The following IFT20 variants were observed in gnomAD, a reference collection of about 807,000 sequenced individuals.
The protein encoded by IFT20 is intraflagellar transport 20, also known as intraflagellar transport protein 20 homolog.
In IFT20, 4 loss-of-function variants were observed where a neutral mutation model predicts 16.9. The ratio of observed to expected loss-of-function variants is 0.24; its 90% CI spans 0.12 to 0.54. The LOEUF (loss-of-function observed/expected upper bound fraction) is 0.54, where lower values mean the gene tolerates loss of function less well. Among genes scored for constraint, IFT20 ranks in the 20% least tolerant of loss-of-function variants. The probability of loss-of-function intolerance (pLI) is 0.95; values close to 1 mark genes in which losing one functional copy is unlikely to be tolerated. For missense variants in IFT20, 154 were observed against 149.7 expected (o/e 1.03, Z -0.15); for synonymous variants, 48 against 49.9 (o/e 0.96, Z 0.16).
In IFT20 at chr17:28,329,155, T is replaced by C. The variant is rs1906552060; in HGVS notation, c.317+18A>G. 1 of 1,573,848 alleles carries C rather than the reference T, an allele frequency of 6.4e-7. No individual in the cohort carries two copies. The highest frequency in any genetic ancestry group is 1.1e-5 in the South Asian group (1 of 89,982). ...ATTCAGCTGTGTAAAGAACTTGCTT[T>C]ACATCATGACTTCTTACCTTTCTAG... On this transcript the variant is annotated intron_variant, in intron 4 of 4. Coordinates refer to ENST00000395418, the MANE Select transcript of IFT20 (RefSeq NM_001267776.2).
In IFT20 at chr17:28,329,778, A is replaced by G. The variant is rs1228122124; in HGVS notation, c.214-502T>C. On this transcript the variant is annotated intron_variant, in intron 3 of 4. Transcript: ENST00000395418. ...CCATCTTTACTAAAAATACAAAAAAATGGCCGGGCGCAGTCACTCACGCCT... is the reference window on the plus strand; with the variant it reads ...CCATCTTTACTAAAAATACAAAAAAGTGGCCGGGCGCAGTCACTCACGCCT... The G allele has an allele frequency of 1.8e-5, 3 of 168,538 alleles. No individual in the cohort carries two copies. In the Admixed American group the frequency reaches 1.9e-4, roughly 11 times the overall value. 10.4% of individuals were successfully genotyped at this position (168,538 alleles called of 1,614,324 possible).
intron 3 of IFT20, chr17:28,330,230 T>C (rs1555576294): frequency 3.7e-6 from 2 of 547,772 alleles, no homozygotes; most frequent in Non-Finnish European, 6.2e-6. Context: ...AGCAAGACTC[T>C]GTCTCAAAAA....
At chr17:28,329,297 G>C (rs1447247672) in intron 3 of IFT20, 21 bp from the exon 4 acceptor site, 2 of 1,590,492 alleles carry the variant, frequency 1.3e-6, no homozygotes, top group African/African-American at 1.3e-5. Context: ...GCCAGAGAAG[G>C]CCATGGCTTC....
intron 1 of IFT20, among the ~76,000 whole-genome samples, chr17:28,333,072 A>AACACACACACACAC (rs56753724): frequency 0.021 from 3,052 of 144,530 alleles, 51 homozygotes; most frequent in Middle Eastern, 0.048. Context: ...TCTGGCTCAA[A>AACACACACACACAC]ACACACACAC....
intron 2 of IFT20, 141 bp downstream of exon 2, chr17:28,331,718 G>T: frequency 1.0e-6 from 1 of 989,210 alleles, no homozygotes; most frequent in Non-Finnish European, 1.6e-6. Flanking sequence ...GACAGAAAAG[G>T]GTGGCACGTG....
Position 28,333,072 on chromosome 17 carries a change from AACACACACACACACACACACACAC to A in IFT20, c.-2-1109_-2-1086del, listed in dbSNP as rs56753724. ...AAAACTCACTCTTGTTCTGGCTCAA[AACACACACACACACACACACACAC>A]ACACACACACAATTAAACATAGACA... On this transcript the variant is annotated intron_variant, in intron 1 of 4. Transcript: ENST00000395418. Among the ~76,000 whole-genome samples, 317 of 144,580 alleles carry A rather than the reference AACACACACACACACACACACACAC, an allele frequency of 2.2e-3. 4 individuals are homozygous for A. The highest frequency in any genetic ancestry group is 7.7e-3 in the African/African-American group (300 of 38,814). 94.9% of individuals were successfully genotyped at this position (144,580 alleles called of 152,430 possible). A position where few individuals can be genotyped will look rare whatever the true frequency, so the allele number is the denominator to read the frequency against.
intron 3 of IFT20, 180 bp downstream of exon 3, chr17:28,330,258 TTAAAG>T (rs1906675099): frequency 1.6e-6 from 1 of 619,232 alleles, no homozygotes; most frequent in Non-Finnish European, 2.9e-6. Flanking sequence ...AAAATAAAGA[TTAAAG>T]GAAATAAAGA....
chr17:28,329,138 G>A, intron 4 of IFT20, 35 bp downstream of exon 4: 1 of 1,389,772 alleles, frequency 7.2e-7, no homozygotes, highest in African/African-American at 1.4e-5. Flanking sequence ...AAATTCAGCT[G>A]TGTAAAGAAC....
Position 28,331,767 on chromosome 17 carries a change from G to T in IFT20, c.127+92C>A, listed in dbSNP as rs1020564210. On this transcript the variant is annotated intron_variant, in intron 2 of 4. Coordinates refer to ENST00000395418, the MANE Select transcript of IFT20 (RefSeq NM_001267776.2). Reference sequence around the variant, plus strand: ...GCCAGATTCAACCTCCAGGGAGCCAGCAGCTCCACTGTGGCAGGGCCAAGA... The same window carrying T: ...GCCAGATTCAACCTCCAGGGAGCCATCAGCTCCACTGTGGCAGGGCCAAGA... 221 of 1,514,822 alleles carry T rather than the reference G, an allele frequency of 1.5e-4. No individual in the cohort carries two copies. The African/African-American group carries it at 2.8e-3, about 19-fold the overall frequency. The allele number at this position is 1,514,822 out of a possible 1,614,324, so 93.8% of individuals were successfully genotyped here.
rs571628231 is a variant in IFT20, at chr17:28,331,752, A to G, written c.127+107T>C. On this transcript the variant is annotated intron_variant, in intron 2 of 4. Coordinates refer to ENST00000395418, the MANE Select transcript of IFT20 (RefSeq NM_001267776.2). ...TGGGAACTCACAGACGCCAGATTCA[A>G]CCTCCAGGGAGCCAGCAGCTCCACT... 16 of 1,446,786 alleles carry G rather than the reference A, an allele frequency of 1.1e-5. No individual in the cohort carries two copies. In the East Asian group the frequency reaches 3.0e-4, roughly 27 times the overall value. The allele number at this position is 1,446,786 out of a possible 1,614,324, so 89.6% of individuals were successfully genotyped here.
chr17:28,334,775 G>A (rs1325841309), intron 1 of IFT20, among the ~76,000 whole-genome samples: 1 of 152,232 alleles, frequency 6.6e-6, no homozygotes, highest in East Asian at 1.9e-4. Flanking sequence ...GAGTTGAGAT[G>A]TTTTGTAAGT....
Position 28,331,981 on chromosome 17 carries a change from G to A in IFT20, c.5C>T (p.Ala2Val), listed in dbSNP as rs781999512. Residue 2 changes from alanine (A) to valine (V), a missense_variant, in exon 2 of 5, where the codon GCC (alanine) becomes GTC (valine). Transcript: ENST00000395418. ...CCCTGCTTCACCCAGGATGTCCTTG[G>A]CCATGGCTGTAAAGAAACAGGCCCA... is the stretch of plus-strand genomic sequence containing the variant. MAKDILGEAGLH... is the reference protein window; with the variant it reads MVKDILGEAGLH... 1 of 1,614,112 alleles carries A rather than the reference G, an allele frequency of 6.2e-7. No individual in the cohort carries two copies. Among genetic ancestry groups the A allele is most frequent in the Non-Finnish European group, 8.5e-7 (1 of 1,180,012 alleles).
At chr17:28,331,011 G>T (rs1310509293) in intron 2 of IFT20, among the ~76,000 whole-genome samples, 1 of 152,232 alleles carries the variant, frequency 6.6e-6, no homozygotes, top group East Asian at 1.9e-4. Flanking sequence ...GTGACAGGAA[G>T]CACTGTTGTT....
chr17:28,334,948 G>C (rs1385217064), intron 1 of IFT20, among the ~76,000 whole-genome samples: 2 of 152,182 alleles, frequency 1.3e-5, no homozygotes, highest in Non-Finnish European at 2.9e-5. Flanking sequence ...TGCAGGGAAA[G>C]AGTTCACAGA....
intron 3 of IFT20, chr17:28,329,725 C>T (rs1906607278): frequency 6.1e-6 from 1 of 163,792 alleles, no homozygotes; most frequent in Non-Finnish European, 1.3e-5. Flanking sequence ...CAGGAGTTTG[C>T]AACCAGCCTG....
intron 4 of IFT20, 186 bp from the exon 5 acceptor site, chr17:28,328,919 T>G (rs540864993): frequency 8.0e-6 from 5 of 627,514 alleles, no homozygotes; most frequent in South Asian, 2.1e-5. Flanking sequence ...AGGAAAGTCT[T>G]CTTTCAGAGA....
chr17:28,328,843 G>T, intron 4 of IFT20, 110 bp from the exon 5 acceptor site: 1 of 768,268 alleles, frequency 1.3e-6, no homozygotes, highest in Non-Finnish European at 2.2e-6. Context: ...AATGGTGTGA[G>T]TTCAGAATGA....
intron 1 of IFT20, among the ~76,000 whole-genome samples, chr17:28,332,538 C>T (rs1369356097): frequency 1.3e-5 from 2 of 152,078 alleles, no homozygotes; most frequent in African/African-American, 2.4e-5. Context: ...TATATATCAC[C>T]AGTTATGTAC....
Position 28,330,513 on chromosome 17 carries a change from T to G in IFT20, c.143A>C (p.Gln48Pro), listed in dbSNP as rs782513250. The change falls in exon 3 of 5, where the codon CAG (glutamine) becomes CCG (proline). Residue 48 changes from glutamine (Q) to proline (P), a missense_variant. Gln to Pro is a moderately conservative substitution (Grantham distance 76). Transcript: ENST00000395418. ...CTCAATTAAACCACCAACTATTTTC[T>G]GAAACTGGCCAATTTCTTTTAGGAA... ...KDFVDKIGQF[Q>P]KIVGGLIELV... 1.9e-6 allele frequency: 3 copies of G among 1,611,774 alleles called. No homozygotes were observed. The South Asian group carries it at 3.3e-5, about 18-fold the overall frequency.
Sources: allele counts gnomAD v4.1 joint callset (sites outside exome capture counted in the v4.1 genomes callset), GRCh38; gene constraint gnomAD v4.1.1; transcripts MANE v1.5; gene names NCBI Gene and HGNC (gene_info 2026-07-23, HGNC 2026-07-21).